Variants in RALYL observed in about 807,000 individuals in gnomAD.
The protein encoded by RALYL is RALY RNA binding protein like, also known as RNA-binding Raly-like protein.
RALYL carries 29 observed loss-of-function variants against 35.1 expected under a neutral mutation model. The observed-to-expected ratio is 0.83, with a 90% confidence interval of 0.61 to 1.13. RALYL has a LOEUF of 1.13. Among genes scored for constraint, RALYL ranks in the 50% most tolerant of loss-of-function variants. RALYL has a pLI of 0.00. For synonymous variants in RALYL, 120 were observed against 127.6 expected (o/e 0.94, Z 0.40); for missense variants, 359 against 360.4 (o/e 1.00, Z 0.03).
intron 1 of RALYL, among the ~76,000 whole-genome samples, chr8:84,215,487 A>G (rs527668068): frequency 9.2e-5 from 14 of 152,022 alleles, no homozygotes; most frequent in Non-Finnish European, 1.5e-4. Flanking sequence ...ATATTTATAT[A>G]TGGATATAAA....
chr8:84,193,922 AAG>A (rs1814588611), intron 1 of RALYL, among the ~76,000 whole-genome samples: 1 of 152,290 alleles, frequency 6.6e-6, no homozygotes, highest in Admixed American at 6.5e-5. Flanking sequence ...TGGGCTGAGA[AAG>A]AGAGCAAGGG....
chr8:84,744,101 T>C (rs1309563122), intron 2 of RALYL, among the ~76,000 whole-genome samples: 2 of 152,064 alleles, frequency 1.3e-5, no homozygotes, highest in East Asian at 1.9e-4. Context: ...TTTTGTGTTA[T>C]GTATTTGGCA....
intron 2 of RALYL, among the ~76,000 whole-genome samples, chr8:84,578,957 G>T (rs573031840): frequency 5.9e-5 from 9 of 152,220 alleles, no homozygotes; most frequent in Admixed American, 1.3e-4. Flanking sequence ...CTGATAGCTC[G>T]GCCCACAGGC....
At chr8:84,858,744 C>A (rs2134992483) in intron 5 of RALYL, among the ~76,000 whole-genome samples, 1 of 152,248 alleles carries the variant, frequency 6.6e-6, no homozygotes, top group African/African-American at 2.4e-5. Context: ...CACCTACTTC[C>A]CTCTATATTT....
chr8:84,788,407 A>G (rs563473408), intron 3 of RALYL, among the ~76,000 whole-genome samples: 1 of 152,318 alleles, frequency 6.6e-6, no homozygotes, highest in Admixed American at 6.5e-5. Flanking sequence ...TTTAATACAT[A>G]ATGCAATTTT....
At chr8:84,670,809 G>T (rs1243411984) in intron 2 of RALYL, among the ~76,000 whole-genome samples, 1 of 152,092 alleles carries the variant, frequency 6.6e-6, no homozygotes. Context: ...TGAGATTTGG[G>T]TGAGGACAGA....
intron 1 of RALYL, among the ~76,000 whole-genome samples, chr8:84,423,450 C>G (rs1247138984): frequency 6.6e-6 from 1 of 151,686 alleles, no homozygotes. Flanking sequence ...TGTCTCTGCA[C>G]ATGAGATGGT....
intron 6 of RALYL, among the ~76,000 whole-genome samples, chr8:84,870,681 G>T (rs1490621846): frequency 6.6e-6 from 1 of 151,674 alleles, no homozygotes; most frequent in Non-Finnish European, 1.5e-5. Flanking sequence ...TAACAGGAGG[G>T]GAAAAAGTAG....
intron 2 of RALYL, among the ~76,000 whole-genome samples, chr8:84,544,209 T>A (rs943924206): frequency 6.6e-6 from 1 of 152,050 alleles, no homozygotes; most frequent in African/African-American, 2.4e-5. Flanking sequence ...CTTGCTTTTC[T>A]TTAATTTTTT....
intron 2 of RALYL, among the ~76,000 whole-genome samples, chr8:84,644,651 T>C (rs1055284061): frequency 1.3e-5 from 2 of 152,092 alleles, no homozygotes; most frequent in African/African-American, 4.8e-5. Context: ...ATCCCTGCCT[T>C]CCTGTGTATT....
chr8:84,289,952 G>A (rs73304866), intron 1 of RALYL, among the ~76,000 whole-genome samples: 7,047 of 152,136 alleles, frequency 0.046, 263 homozygotes, highest in African/African-American at 0.083. Flanking sequence ...TTGAATAAAA[G>A]CAACTGGGGT....
intron 1 of RALYL, among the ~76,000 whole-genome samples, chr8:84,337,444 G>A (rs1054713856): frequency 6.6e-6 from 1 of 151,892 alleles, no homozygotes; most frequent in African/African-American, 2.4e-5. Flanking sequence ...AAAAGCTGCA[G>A]AAGATCATTC....
chr8:84,748,200 A>G (rs1017358391), intron 2 of RALYL, among the ~76,000 whole-genome samples: 7 of 152,098 alleles, frequency 4.6e-5, no homozygotes, highest in South Asian at 4.1e-4. Context: ...ACTCTTGGCC[A>G]TGATTCAACA....
chr8:84,229,205 A>G (rs77782565), intron 1 of RALYL, among the ~76,000 whole-genome samples: 2,930 of 152,302 alleles, frequency 0.019, 43 homozygotes, highest in Non-Finnish European at 0.028. Context: ...AGTTTCTTTG[A>G]TAGACACCAT....
At chr8:84,200,663 G>A (rs1489227961) in intron 1 of RALYL, among the ~76,000 whole-genome samples, 2 of 152,008 alleles carry the variant, frequency 1.3e-5, no homozygotes, top group East Asian at 1.9e-4. Context: ...GAACAAATAG[G>A]ATTAATATTT....
At chr8:84,285,901 G>C (rs1837504074) in intron 1 of RALYL, among the ~76,000 whole-genome samples, 1 of 152,254 alleles carries the variant, frequency 6.6e-6, no homozygotes, top group Non-Finnish European at 1.5e-5. Flanking sequence ...AACATGATTT[G>C]ATTTATAGTT....
Position 84,418,245 on chromosome 8 carries a change from G to T in RALYL, c.-23-111054G>T, listed in dbSNP as rs189260446. 1.5e-3 allele frequency among the ~76,000 whole-genome samples: 228 copies of T among 152,190 alleles called. 2 individuals are homozygous for T. Among genetic ancestry groups the T allele is most frequent in the African/African-American group, 4.5e-3 (186 of 41,518 alleles). On this transcript the variant is annotated intron_variant, in intron 1 of 8. Coordinates refer to ENST00000521268, the MANE Select transcript of RALYL (RefSeq NM_173848.7). The stretch of plus-strand genomic sequence containing the variant: ...GATAGTTACTGATTACGGAACCTTG[G>T]GCACAGTATTTAACTAGTCTATATA...
chr8:84,399,090 T>G (rs1658957796), intron 1 of RALYL, among the ~76,000 whole-genome samples: 2 of 152,234 alleles, frequency 1.3e-5, no homozygotes, highest in Non-Finnish European at 2.9e-5. Flanking sequence ...AAATTATGTT[T>G]ATGAAATTAT....
intron 1 of RALYL, among the ~76,000 whole-genome samples, chr8:84,424,511 C>T (rs989394527): frequency 4.0e-4 from 60 of 150,144 alleles, no homozygotes; most frequent in Admixed American, 2.6e-3. Flanking sequence ...TTCCATAGCT[C>T]AGAGTAATTC....
Sources: gnomAD v4.1 joint callset for allele counts (sites outside exome capture counted in the v4.1 genomes callset) on GRCh38, gnomAD v4.1.1 for gene constraint, MANE v1.5 for transcripts, NCBI Gene and HGNC (gene_info 2026-07-23, HGNC 2026-07-21) for gene names.